ALK: variants seen among roughly 807,000 people sequenced by gnomAD.
ALK encodes ALK tyrosine kinase receptor.
In ALK, 74 loss-of-function variants were observed where a neutral mutation model predicts 163.1. The observed-to-expected ratio is 0.45, with a 90% CI of 0.38 to 0.55. The LOEUF (loss-of-function observed/expected upper bound fraction) is 0.55. Among genes scored for constraint, ALK ranks in the 20% least tolerant of loss-of-function variants. The probability of loss-of-function intolerance (pLI) is 0.00; values close to 1 mark genes in which losing one functional copy is unlikely to be tolerated. For synonymous variants in ALK, 960 were observed against 843.2 expected, an observed-to-expected ratio of 1.14 and a Z score of -2.40; for missense variants, 2,063 against 2,105.3, an observed-to-expected ratio of 0.98 and a Z score of 0.39.
At chr2:29,867,900 T>C (rs933566665) in intron 1 of ALK, among the ~76,000 whole-genome samples, 2 of 152,148 alleles carry the variant, frequency 1.3e-5, no homozygotes, top group Middle Eastern at 6.8e-3. Context: ...ACAGACACAG[T>C]TGGGGATGGG....
chr2:29,644,475 TC>T (rs1245239388), intron 3 of ALK, among the ~76,000 whole-genome samples: 3 of 152,072 alleles, frequency 2.0e-5, no homozygotes, highest in Non-Finnish European at 4.4e-5. Context: ...CTTCTAGCTT[TC>T]CCTGTGGTTT....
intron 1 of ALK, among the ~76,000 whole-genome samples, chr2:29,755,294 C>T (rs537025474): frequency 6.6e-6 from 1 of 152,346 alleles, no homozygotes; most frequent in East Asian, 1.9e-4. Flanking sequence ...TGTGTGAGGG[C>T]CTGTGCTGCA....
intron 1 of ALK, among the ~76,000 whole-genome samples, chr2:29,762,475 T>C (rs142199108): frequency 1.3e-5 from 2 of 152,258 alleles, no homozygotes; most frequent in African/African-American, 2.4e-5. Context: ...TCCCCGTGAG[T>C]ATATATTGTG....
chr2:29,502,704 G>T (rs76676972), intron 4 of ALK, among the ~76,000 whole-genome samples: 3 of 151,428 alleles, frequency 2.0e-5, no homozygotes, highest in Non-Finnish European at 2.9e-5. Flanking sequence ...TTTTTACTCC[G>T]CCTGAAAGCA....
intron 1 of ALK, among the ~76,000 whole-genome samples, chr2:29,786,238 T>C (rs956385389): frequency 7.9e-5 from 12 of 152,194 alleles, no homozygotes; most frequent in African/African-American, 2.4e-4. Context: ...TCCCTTATAT[T>C]ATCTGAAATG....
At chr2:29,461,373 C>A (rs1671080139) in intron 4 of ALK, among the ~76,000 whole-genome samples, 1 of 152,124 alleles carries the variant, frequency 6.6e-6, no homozygotes, top group African/African-American at 2.4e-5. Flanking sequence ...TTGAAAGATG[C>A]CATCTAGGAC....
At chr2:29,720,686 C>A (rs1034441871) in intron 1 of ALK, among the ~76,000 whole-genome samples, 5 of 152,180 alleles carry the variant, frequency 3.3e-5, no homozygotes, top group African/African-American at 9.7e-5. Flanking sequence ...ATATAAAGAA[C>A]AAAATACTTC....
intron 1 of ALK, among the ~76,000 whole-genome samples, chr2:29,779,081 G>A (rs1028123334): frequency 2.6e-5 from 4 of 152,072 alleles, no homozygotes; most frequent in African/African-American, 9.7e-5. Flanking sequence ...GCAGGAACCT[G>A]GGAGGCGGAG....
intron 5 of ALK, among the ~76,000 whole-genome samples, chr2:29,366,383 C>G (rs1337141456): frequency 6.6e-6 from 1 of 152,100 alleles, no homozygotes; most frequent in African/African-American, 2.4e-5. Context: ...CACTGGACCG[C>G]TTTGGTAGTC....
chr2:29,525,667 G>A (rs1436679311), intron 4 of ALK, among the ~76,000 whole-genome samples: 1 of 151,876 alleles, frequency 6.6e-6, no homozygotes, highest in Non-Finnish European at 1.5e-5. Flanking sequence ...GTGGGGGCCT[G>A]TAATCCCAGC....
At chr2:29,504,635 T>G in intron 4 of ALK, among the ~76,000 whole-genome samples, 1 of 151,538 alleles carries the variant, frequency 6.6e-6, no homozygotes, top group African/African-American at 2.4e-5. Context: ...TGAGGAAGAA[T>G]CGCAGCCTTG....
intron 1 of ALK, among the ~76,000 whole-genome samples, chr2:29,721,400 T>C (rs999090873): frequency 2.1e-4 from 32 of 152,258 alleles, no homozygotes; most frequent in African/African-American, 7.7e-4. Context: ...TCATTTTAAA[T>C]TCATCACCAG....
chr2:29,560,518 ACT>A (rs1411268000), intron 3 of ALK, among the ~76,000 whole-genome samples: 4 of 151,728 alleles, frequency 2.6e-5, no homozygotes, highest in Non-Finnish European at 5.9e-5. Context: ...CAGTTGCACA[ACT>A]CTGTAATTTT....
At chr2:29,540,462 C>T (rs999559689) in intron 3 of ALK, among the ~76,000 whole-genome samples, 2 of 151,900 alleles carry the variant, frequency 1.3e-5, no homozygotes, top group African/African-American at 4.8e-5. Context: ...ACCGTTCTTG[C>T]TATGCTTTAT....
At chr2:29,551,933 T>C (rs1673725192) in intron 3 of ALK, among the ~76,000 whole-genome samples, 1 of 152,218 alleles carries the variant, frequency 6.6e-6, no homozygotes, top group African/African-American at 2.4e-5. Context: ...TTCCCAATGT[T>C]GTGCAACTAT....
intron 1 of ALK, among the ~76,000 whole-genome samples, chr2:29,895,630 G>C (rs1283043538): frequency 1.3e-5 from 2 of 152,178 alleles, no homozygotes; most frequent in African/African-American, 4.8e-5. Flanking sequence ...TGCATGATTG[G>C]CCATAGTTTA....
chr2:29,568,183 G>A (rs1674249660), intron 3 of ALK, among the ~76,000 whole-genome samples: 1 of 152,174 alleles, frequency 6.6e-6, no homozygotes, highest in Non-Finnish European at 1.5e-5. Context: ...CTCTGCAGTG[G>A]GTTTCTGCCT....
At chr2:29,605,534 G>A (rs751702085) in intron 3 of ALK, among the ~76,000 whole-genome samples, 9 of 152,178 alleles carry the variant, frequency 5.9e-5, no homozygotes, top group Non-Finnish European at 1.0e-4. Flanking sequence ...ATGAAGTCAC[G>A]AAAGGTGGGG....
At chr2:29,372,490 T>G (rs545914116) in intron 5 of ALK, among the ~76,000 whole-genome samples, 113 of 152,352 alleles carry the variant, frequency 7.4e-4, no homozygotes, top group African/African-American at 2.6e-3. Flanking sequence ...TACCATGATC[T>G]GCAATTTGGA....
Sources: gnomAD v4.1 joint callset for allele counts (sites outside exome capture counted in the v4.1 genomes callset) on GRCh38, gnomAD v4.1.1 for gene constraint, MANE v1.5 for transcripts, NCBI Gene and HGNC (gene_info 2026-07-23, HGNC 2026-07-21) for gene names.